Variants in SGCZ observed in about 807,000 individuals in gnomAD.
SGCZ encodes zeta-sarcoglycan.
Under a neutral mutation model 41.3 loss-of-function variants are expected in SGCZ, and 40 were observed. The ratio of observed to expected loss-of-function variants is 0.97; its 90% CI spans 0.75 to 1.26. The LOEUF is 1.26. SGCZ is among the 50% of genes most tolerant of loss of function. SGCZ has a pLI of 0.00. For missense variants in SGCZ, 552 were observed against 369.8 expected (o/e 1.49, Z -4.04); for synonymous variants, 206 against 137.5 (o/e 1.50, Z -3.49).
intron 1 of SGCZ, among the ~76,000 whole-genome samples, chr8:15,123,223 T>C (rs1421860446): frequency 6.6e-6 from 1 of 152,178 alleles, no homozygotes; most frequent in East Asian, 1.9e-4. Flanking sequence ...AGGAGCATGC[T>C]TCAAAATAAA....
chr8:14,236,458 A>C (rs1037259468), intron 4 of SGCZ, among the ~76,000 whole-genome samples: 11 of 152,230 alleles, frequency 7.2e-5, no homozygotes, highest in South Asian at 2.1e-4. Flanking sequence ...TTTAAAAAAA[A>C]CCTACAAATT....
At chr8:14,301,763 A>G (rs2116973689) in intron 3 of SGCZ, among the ~76,000 whole-genome samples, 1 of 152,274 alleles carries the variant, frequency 6.6e-6, no homozygotes, top group Admixed American at 6.5e-5. Flanking sequence ...AACTGACTTT[A>G]ATTTTTACTT....
intron 1 of SGCZ, among the ~76,000 whole-genome samples, chr8:14,902,296 C>T (rs558750220): frequency 2.0e-5 from 3 of 152,012 alleles, no homozygotes; most frequent in Non-Finnish European, 4.4e-5. Flanking sequence ...CGTTCTTAAT[C>T]TTTTCTTCTA....
intron 1 of SGCZ, among the ~76,000 whole-genome samples, chr8:15,083,849 G>T (rs909122381): frequency 6.6e-6 from 1 of 152,096 alleles, no homozygotes; most frequent in Non-Finnish European, 1.5e-5. Flanking sequence ...CCACCTCATT[G>T]CTGGGGTTAC....
intron 2 of SGCZ, among the ~76,000 whole-genome samples, chr8:14,476,014 C>T (rs2116990959): frequency 6.6e-6 from 1 of 151,826 alleles, no homozygotes; most frequent in Admixed American, 6.6e-5. Context: ...ACTATGTTGC[C>T]CTGGTTGATC....
At chr8:14,791,471 A>AC (rs201889641) in intron 1 of SGCZ, among the ~76,000 whole-genome samples, 57 of 151,418 alleles carry the variant, frequency 3.8e-4, no homozygotes, top group Admixed American at 5.3e-4. Flanking sequence ...AAAAAAAAAA[A>AC]TCCTATTTTT....
chr8:14,911,588 T>G (rs1186062396), intron 1 of SGCZ, among the ~76,000 whole-genome samples: 2 of 152,032 alleles, frequency 1.3e-5, no homozygotes, highest in African/African-American at 4.8e-5. Flanking sequence ...GATAAATACT[T>G]CACTGAGAAA....
intron 3 of SGCZ, among the ~76,000 whole-genome samples, chr8:14,291,033 G>A (rs913594684): frequency 1.3e-5 from 2 of 152,044 alleles, no homozygotes; most frequent in Admixed American, 1.3e-4. Flanking sequence ...CCTGTTGTTT[G>A]CAGCAACATG....
At chr8:14,502,773 C>G (rs377293146) in intron 2 of SGCZ, among the ~76,000 whole-genome samples, 1 of 151,976 alleles carries the variant, frequency 6.6e-6, no homozygotes, top group African/African-American at 2.4e-5. Context: ...CCAGTTAGAA[C>G]GGCAATCATT....
At chr8:14,767,770 G>A (rs1043946060) in intron 1 of SGCZ, among the ~76,000 whole-genome samples, 24 of 152,160 alleles carry the variant, frequency 1.6e-4, no homozygotes, top group African/African-American at 5.1e-4. Flanking sequence ...ACCTCTGTAC[G>A]CCTTTCAAAT....
intron 1 of SGCZ, among the ~76,000 whole-genome samples, chr8:15,023,565 G>C (rs1162257631): frequency 6.6e-6 from 1 of 152,164 alleles, no homozygotes; most frequent in Non-Finnish European, 1.5e-5. Flanking sequence ...TTTGCCACCA[G>C]TCAACAAAAT....
At chr8:15,080,015 G>A (rs563707874) in intron 1 of SGCZ, among the ~76,000 whole-genome samples, 1 of 151,844 alleles carries the variant, frequency 6.6e-6, no homozygotes, top group Non-Finnish European at 1.5e-5. Context: ...TTCTTCTCCA[G>A]CCGGTCCTCT....
At chr8:15,161,016 A>G (rs1799497926) in intron 1 of SGCZ, among the ~76,000 whole-genome samples, 1 of 152,054 alleles carries the variant, frequency 6.6e-6, no homozygotes, top group Admixed American at 6.5e-5. Context: ...AAGTCAAATC[A>G]TGATGCTCTC....
chr8:14,303,152 A>C (rs1469086186), intron 3 of SGCZ, among the ~76,000 whole-genome samples: 1 of 152,232 alleles, frequency 6.6e-6, no homozygotes, highest in Admixed American at 6.5e-5. Flanking sequence ...ATAAACGTAT[A>C]TTAAATTTCC....
At chr8:14,141,805 C>G (rs983017048) in intron 5 of SGCZ, among the ~76,000 whole-genome samples, 1 of 152,146 alleles carries the variant, frequency 6.6e-6, no homozygotes, top group African/African-American at 2.4e-5. Context: ...ACCCAGCCAT[C>G]CCATTACTGG....
At chr8:15,153,728 G>A (rs890187946) in intron 1 of SGCZ, among the ~76,000 whole-genome samples, 3 of 151,998 alleles carry the variant, frequency 2.0e-5, no homozygotes, top group Non-Finnish European at 2.9e-5. Flanking sequence ...TGCCTTCCGC[G>A]AGGAAAAGTT....
intron 2 of SGCZ, among the ~76,000 whole-genome samples, chr8:14,473,852 G>A (rs901735736): frequency 6.6e-6 from 1 of 151,484 alleles, no homozygotes; most frequent in Non-Finnish European, 1.5e-5. Flanking sequence ...GCAGGAGAAC[G>A]GTGTGAACTC....
intron 4 of SGCZ, among the ~76,000 whole-genome samples, chr8:14,211,340 G>A (rs1338494083): frequency 1.3e-5 from 2 of 152,050 alleles, no homozygotes; most frequent in African/African-American, 2.4e-5. Flanking sequence ...CTGCCTTCAG[G>A]TTGCCGCAGC....
chr8:15,142,212 C>A (rs971955620), intron 1 of SGCZ, among the ~76,000 whole-genome samples: 1 of 151,988 alleles, frequency 6.6e-6, no homozygotes, highest in African/African-American at 2.4e-5. Flanking sequence ...GTTTTAGGGT[C>A]TAAGATTTTA....
Sources: gnomAD v4.1 joint callset for allele counts (sites outside exome capture counted in the v4.1 genomes callset) on GRCh38, gnomAD v4.1.1 for gene constraint, MANE v1.5 for transcripts, NCBI Gene and HGNC (gene_info 2026-07-23, HGNC 2026-07-21) for gene names.